The following MARCHF1 variants were observed in gnomAD, a reference collection of about 807,000 sequenced individuals.
MARCHF1 encodes E3 ubiquitin-protein ligase MARCHF1.
MARCHF1 carries 40 observed loss-of-function variants against 54.2 expected under a neutral mutation model. That is an observed-to-expected ratio of 0.74 (90% CI 0.57 to 0.96). The LOEUF is 0.96. Ranked by LOEUF, MARCHF1 falls within the 40% of genes least tolerant of loss-of-function variation. The probability of loss-of-function intolerance (pLI) is 0.00; values close to 1 mark genes in which losing one functional copy is unlikely to be tolerated. For missense variants in MARCHF1, 586 were observed against 656.5 expected, an observed-to-expected ratio of 0.89 and a Z score of 1.17; for synonymous variants, 236 against 236.3, an observed-to-expected ratio of 1.00 and a Z score of 0.01.
At chr4:164,096,955 A>C (rs1256721121) in intron 2 of MARCHF1, among the ~76,000 whole-genome samples, 1 of 152,138 alleles carries the variant, frequency 6.6e-6, no homozygotes, top group Non-Finnish European at 1.5e-5. Flanking sequence ...GCAAGGAGGA[A>C]AACCCCGGGG....
At chr4:164,211,572 T>A (rs993907190) in intron 1 of MARCHF1, among the ~76,000 whole-genome samples, 1 of 151,992 alleles carries the variant, frequency 6.6e-6, no homozygotes, top group Non-Finnish European at 1.5e-5. Context: ...GAAAATTGTA[T>A]CCATTCATTC....
rs918989237 is a variant in MARCHF1, at chr4:163,994,575, TAAC to T, written c.-247-5869_-247-5867del. ...CCTAAAACTTAAAGTATAATAATAA[TAAC>T]ATTTAAAAAAAAGAAAGAAGTAGTA... On this transcript the variant is annotated intron_variant, in intron 2 of 9. Coordinates refer to ENST00000514618, the MANE Select transcript of MARCHF1 (RefSeq NM_001394959.1). 1.8e-4 allele frequency among the ~76,000 whole-genome samples: 28 copies of T among 151,844 alleles called. No individual in the cohort carries two copies. In the Middle Eastern group the frequency reaches 0.01, roughly 56 times the overall value.
intron 1 of MARCHF1, among the ~76,000 whole-genome samples, chr4:164,353,894 GA>G (rs1433422688): frequency 7.7e-6 from 1 of 129,250 alleles, no homozygotes; most frequent in Admixed American, 7.9e-5. Flanking sequence ...AAAGAGAGAA[GA>G]ATCAAATAGA....
chr4:164,179,416 A>G (rs181211829), intron 1 of MARCHF1, among the ~76,000 whole-genome samples: 1 of 152,344 alleles, frequency 6.6e-6, no homozygotes, highest in East Asian at 1.9e-4. Flanking sequence ...TTGAACAAAC[A>G]AAAGAAAATA....
chr4:164,029,522 G>A (rs1358334468), intron 2 of MARCHF1, among the ~76,000 whole-genome samples: 2 of 152,086 alleles, frequency 1.3e-5, no homozygotes, highest in African/African-American at 2.4e-5. Context: ...ACCATATCAA[G>A]ATTTAGTAAA....
At chr4:163,823,525 C>T (rs939132494) in intron 4 of MARCHF1, among the ~76,000 whole-genome samples, 28 of 151,686 alleles carry the variant, frequency 1.8e-4, no homozygotes, top group African/African-American at 5.6e-4. Context: ...AGAACTATTA[C>T]GTATAATTTG....
chr4:164,263,590 T>G (rs1265282854), intron 1 of MARCHF1, among the ~76,000 whole-genome samples: 1 of 148,198 alleles, frequency 6.7e-6, no homozygotes, highest in Non-Finnish European at 1.5e-5. Flanking sequence ...AAAACCATAC[T>G]AAGAATGAGG....
chr4:163,907,700 G>C (rs1368005385), intron 3 of MARCHF1, among the ~76,000 whole-genome samples: 1 of 152,042 alleles, frequency 6.6e-6, no homozygotes, highest in Non-Finnish European at 1.5e-5. Flanking sequence ...TTTCTTATTT[G>C]ATATGGGCAG....
At chr4:163,761,747 G>C (rs1162307132) in intron 4 of MARCHF1, among the ~76,000 whole-genome samples, 1 of 151,904 alleles carries the variant, frequency 6.6e-6, no homozygotes, top group Non-Finnish European at 1.5e-5. Context: ...CACATGGTAT[G>C]AGAACATTTA....
chr4:163,929,955 TTATATATAA>T (rs1296327370), intron 3 of MARCHF1, among the ~76,000 whole-genome samples: 13 of 81,390 alleles, frequency 1.6e-4, no homozygotes, highest in African/African-American at 7.4e-4. Context: ...ATTATATATA[TTATATATAA>T]TATATATAAT....
chr4:163,732,285 C>A lies in MARCHF1; in HGVS notation c.112-31422G>T, dbSNP rs185360109. On this transcript the variant is annotated intron_variant, in intron 4 of 9. Transcript: ENST00000514618. Reference sequence around the variant, plus strand: ...TTAAAAATGTACTGAATGGTAGCAACAGTACGATTAGATGTGCAGGGAAAA... The same window carrying A: ...TTAAAAATGTACTGAATGGTAGCAAAAGTACGATTAGATGTGCAGGGAAAA... 1.9e-3 allele frequency among the ~76,000 whole-genome samples: 287 copies of A among 151,934 alleles called. 2 individuals carry two copies. The highest frequency in any genetic ancestry group is 0.01 in the Middle Eastern group (3 of 294).
intron 5 of MARCHF1, among the ~76,000 whole-genome samples, chr4:163,649,361 C>G (rs556398948): frequency 1.7e-3 from 263 of 152,086 alleles, no homozygotes; most frequent in Non-Finnish European, 3.5e-3. Context: ...AATGAAAGAG[C>G]AATTCATAGG....
chr4:163,812,077 C>T (rs1353214), intron 4 of MARCHF1, among the ~76,000 whole-genome samples: 8,227 of 151,930 alleles, frequency 0.054, 565 homozygotes, highest in East Asian at 0.27. Context: ...TATTGATCTT[C>T]TGTCTTTGGT....
intron 3 of MARCHF1, among the ~76,000 whole-genome samples, chr4:163,936,563 C>T (rs1196449759): frequency 1.3e-5 from 2 of 152,154 alleles, no homozygotes; most frequent in African/African-American, 2.4e-5. Flanking sequence ...TGATGCTTGG[C>T]TAATGATGGT....
At chr4:163,578,336 C>T (rs886256832) in intron 8 of MARCHF1, among the ~76,000 whole-genome samples, 2 of 151,986 alleles carry the variant, frequency 1.3e-5, no homozygotes, top group African/African-American at 2.4e-5. Flanking sequence ...TCCCAGCAAT[C>T]ATTTTCAAAG....
At chr4:163,960,749 C>A (rs1432582675) in intron 3 of MARCHF1, among the ~76,000 whole-genome samples, 1 of 151,368 alleles carries the variant, frequency 6.6e-6, no homozygotes, top group Non-Finnish European at 1.5e-5. Flanking sequence ...CACAATAAAC[C>A]TCTGTTACAT....
In MARCHF1 at chr4:163,980,577, T is replaced by C. The variant is rs1157394906; in HGVS notation, c.-39+7924A>G. ...AAAGGGGCCCTTTAATTCTAAAGCATGAAGTTCTCTTATAATTTCACGGGG... is the reference window on the plus strand; with the variant it reads ...AAAGGGGCCCTTTAATTCTAAAGCACGAAGTTCTCTTATAATTTCACGGGG... On this transcript the variant is annotated intron_variant, in intron 3 of 9. Coordinates refer to ENST00000514618, the MANE Select transcript of MARCHF1 (RefSeq NM_001394959.1). Among the ~76,000 whole-genome samples the C allele has an allele frequency of 5.9e-5, 9 of 152,130 alleles. 1 individual carries two copies. In the East Asian group the frequency reaches 1.5e-3, roughly 26 times the overall value.
intron 1 of MARCHF1, among the ~76,000 whole-genome samples, chr4:164,170,512 T>C (rs992797309): frequency 6.6e-6 from 1 of 152,084 alleles, no homozygotes; most frequent in Admixed American, 6.6e-5. Flanking sequence ...GTTGTAAAGA[T>C]TAAATGAGAT....
At chr4:164,330,348 C>T (rs1735402885) in intron 1 of MARCHF1, among the ~76,000 whole-genome samples, 1 of 152,094 alleles carries the variant, frequency 6.6e-6, no homozygotes, top group African/African-American at 2.4e-5. Flanking sequence ...ACCTCATGTA[C>T]AGGATGGAGT....
Sources: gnomAD v4.1 joint callset for allele counts (sites outside exome capture counted in the v4.1 genomes callset) on GRCh38, gnomAD v4.1.1 for gene constraint, MANE v1.5 for transcripts, NCBI Gene and HGNC (gene_info 2026-07-23, HGNC 2026-07-21) for gene names.